The following MYRFL variants were observed in gnomAD, a reference collection of about 807,000 sequenced individuals.
MYRFL encodes myelin regulatory factor-like protein.
MYRFL carries 88 observed loss-of-function variants against 109.4 expected under a neutral mutation model. That is an observed-to-expected ratio of 0.80 (90% CI 0.68 to 0.96). MYRFL has a LOEUF of 0.96. MYRFL is among the 40% of genes least tolerant of loss of function. The pLI is 0.00. For missense variants in MYRFL, 957 were observed against 954.9 expected (o/e 1.00, Z -0.03); for synonymous variants, 324 against 320.9 (o/e 1.01, Z -0.10).
chr12:69,847,255 T>C (rs1883614526), intron 1 of MYRFL, among the ~76,000 whole-genome samples: 1 of 152,128 alleles, frequency 6.6e-6, no homozygotes, highest in Non-Finnish European at 1.5e-5. Context: ...GCTCAGAAAC[T>C]GCAGAAAGGA....
rs868479809 is a variant in MYRFL, at chr12:69,846,642, G to A, written c.47-8638G>A. Among the ~76,000 whole-genome samples, 370 of 152,150 alleles carry A rather than the reference G, an allele frequency of 2.4e-3. 5 individuals carry two copies. Among genetic ancestry groups the A allele is most frequent in the African/African-American group, 8.6e-3 (358 of 41,468 alleles). ...TTCCAAGTCTTTGCTATTGCGAATAGTGCCGCAATAAACATACGTGTCCAT... is the reference window on the plus strand; with the variant it reads ...TTCCAAGTCTTTGCTATTGCGAATAATGCCGCAATAAACATACGTGTCCAT... On this transcript the variant is annotated intron_variant, in intron 1 of 24. Coordinates refer to ENST00000552032, the MANE Select transcript of MYRFL (RefSeq NM_182530.3).
intron 2 of MYRFL, among the ~76,000 whole-genome samples, chr12:69,858,077 T>C (rs1222895176): frequency 1.3e-5 from 2 of 151,896 alleles, no homozygotes; most frequent in Non-Finnish European, 3.0e-5. Flanking sequence ...CATAAATGGA[T>C]GTTGAATTTT....
intron 1 of MYRFL, among the ~76,000 whole-genome samples, chr12:69,845,297 A>G (rs537032027): frequency 6.6e-6 from 1 of 152,304 alleles, no homozygotes; most frequent in Non-Finnish European, 1.5e-5. Flanking sequence ...CTGGGTCCCC[A>G]GAACTTTGTG....
intron 19 of MYRFL, 68 bp downstream of exon 19, chr12:69,936,700 C>T (rs1955482300): frequency 2.2e-6 from 3 of 1,356,980 alleles, no homozygotes; most frequent in Admixed American, 5.6e-5. Flanking sequence ...TCACAATTTA[C>T]TTAGATGGTC....
intron 18 of MYRFL, 22 bp downstream of exon 18, chr12:69,936,357 C>T (rs1955465836): frequency 1.3e-6 from 2 of 1,534,918 alleles, no homozygotes; most frequent in African/African-American, 1.4e-5. Context: ...ACATTCCTCA[C>T]CCTCAAACCC....
At chr12:69,829,535 G>T (rs765262197) in intron 1 of MYRFL, among the ~76,000 whole-genome samples, 1 of 152,022 alleles carries the variant, frequency 6.6e-6, no homozygotes, top group East Asian at 1.9e-4. Context: ...TATGATATTG[G>T]CATATAGTAG....
intron 19 of MYRFL, among the ~76,000 whole-genome samples, chr12:69,951,247 T>C (rs980339736): frequency 5.3e-5 from 8 of 152,062 alleles, no homozygotes; most frequent in African/African-American, 1.9e-4. Context: ...AAACCACAGA[T>C]AATTATTTTC....
rs763052908 is a variant in MYRFL, at chr12:69,958,562, A to AAAAT, written c.*33_*36dup. 5.0e-5 allele frequency: 71 copies of AAAAT among 1,432,150 alleles called. No homozygotes were observed. Among genetic ancestry groups the AAAAT allele is most frequent in the Non-Finnish European group, 6.4e-5 (68 of 1,064,574 alleles). The allele number at this position is 1,432,150 out of a possible 1,614,324, so 88.7% of individuals were successfully genotyped here. A position where few individuals can be genotyped will look rare whatever the true frequency, so the allele number is the denominator to read the frequency against. On this transcript the variant is annotated 3_prime_UTR_variant, in exon 25 of 25. Coordinates refer to ENST00000552032, the MANE Select transcript of MYRFL (RefSeq NM_182530.3). ...TCAAGTTTGGGGACTTTACCAAAGA[A>AAAAT]AAATACTCAGGAATACATTTAACAG... is the stretch of plus-strand genomic sequence containing the variant.
chr12:69,952,154 G>A lies in MYRFL; in HGVS notation c.2266G>A (p.Gly756Ser), dbSNP rs140111570. The part of the protein sequence containing the change: ...KSVLARNALS[G>S]PDWESDWIDT... ...AGTTTTGGCAAGAAATGCACTCAGC[G>A]GCCCTGACTGGGAGAGTGACTGTAA... is the stretch of plus-strand genomic sequence containing the variant. The change falls in exon 20 of 25, where the codon GGC becomes AGC. Residue 756 changes from glycine (G) to serine (S), a missense_variant. Gly to Ser is a moderately conservative substitution (Grantham distance 56). Transcript: ENST00000552032. 7 of 1,535,958 alleles carry A rather than the reference G, an allele frequency of 4.6e-6. No homozygotes were observed. In the South Asian group the frequency reaches 4.8e-5, roughly 10 times the overall value.
At chr12:69,929,182 G>C (rs1439852469) in intron 15 of MYRFL, among the ~76,000 whole-genome samples, 2 of 152,082 alleles carry the variant, frequency 1.3e-5, no homozygotes, top group African/African-American at 4.8e-5. Flanking sequence ...CAGTGTCTTG[G>C]GTATGTGGGT....
chr12:69,906,569 A>T (rs1427037112), intron 11 of MYRFL, among the ~76,000 whole-genome samples: 1 of 144,896 alleles, frequency 6.9e-6, no homozygotes, highest in Non-Finnish European at 1.5e-5. Context: ...CAAGCCAGAA[A>T]AGGGAATCGT....
At chr12:69,932,491 T>C in intron 15 of MYRFL, 22 bp from the exon 16 acceptor site, 1 of 1,495,852 alleles carries the variant, frequency 6.7e-7, no homozygotes, top group Non-Finnish European at 9.0e-7. Context: ...TTATCACTGC[T>C]CATTACTGAA....
In MYRFL at chr12:69,936,571, CTCT is replaced by C. The variant is rs1206966891; in HGVS notation, c.2166_2168del (p.Ser724del). The C allele has an allele frequency of 1.3e-6, 2 of 1,536,086 alleles. No individual in the cohort carries two copies. The highest frequency in any genetic ancestry group is 2.7e-5 in the African/African-American group (2 of 73,046). On this transcript the variant is annotated inframe_deletion, in exon 19 of 25. Transcript: ENST00000552032. ...GCCCCATCCGGGGAATGAAAGAAGT[CTCT>C]TCAAGTCCTGTGCAAAGACAATCTG...
intron 5 of MYRFL, among the ~76,000 whole-genome samples, chr12:69,881,555 G>C (rs1045325639): frequency 6.6e-6 from 1 of 152,220 alleles, no homozygotes; most frequent in African/African-American, 2.4e-5. Flanking sequence ...ATTCTCTGAG[G>C]GACCTTTGGC....
chr12:69,865,444 G>A (rs1431062108), intron 2 of MYRFL, among the ~76,000 whole-genome samples: 1 of 152,128 alleles, frequency 6.6e-6, no homozygotes, highest in African/African-American at 2.4e-5. Context: ...GGGAGAGAGT[G>A]ACTTTTCTGG....
At chr12:69,901,291 A>G (rs1215914119) in intron 10 of MYRFL, among the ~76,000 whole-genome samples, 2 of 152,206 alleles carry the variant, frequency 1.3e-5, no homozygotes, top group Non-Finnish European at 2.9e-5. Context: ...AAGAGGTAGT[A>G]TATTGTGGCT....
chr12:69,922,511 C>G (rs912202295), intron 13 of MYRFL, among the ~76,000 whole-genome samples: 1 of 151,916 alleles, frequency 6.6e-6, no homozygotes, highest in Non-Finnish European at 1.5e-5. Flanking sequence ...CCATGTATGC[C>G]TCACTCAAAT....
At chr12:69,866,465 G>T (rs898552193) in intron 2 of MYRFL, among the ~76,000 whole-genome samples, 1 of 152,078 alleles carries the variant, frequency 6.6e-6, no homozygotes, top group Non-Finnish European at 1.5e-5. Flanking sequence ...AAATACCAGG[G>T]TATTTATGCA....
chr12:69,866,499 A>G (rs921429339), intron 2 of MYRFL, among the ~76,000 whole-genome samples: 2 of 152,182 alleles, frequency 1.3e-5, no homozygotes, highest in Non-Finnish European at 2.9e-5. Flanking sequence ...TCATAGTTTC[A>G]TATCACAACA....
Sources: gnomAD v4.1 joint callset for allele counts (sites outside exome capture counted in the v4.1 genomes callset) on GRCh38, gnomAD v4.1.1 for gene constraint, MANE v1.5 for transcripts, NCBI Gene and HGNC (gene_info 2026-07-23, HGNC 2026-07-21) for gene names.